Variants in LIMK1 observed in about 807,000 individuals in gnomAD.
LIMK1 encodes LIM domain kinase 1.
LIMK1 carries 21 observed loss-of-function variants against 77.6 expected under a neutral mutation model. The observed-to-expected ratio is 0.27, with a 90% CI of 0.19 to 0.39. The LOEUF (loss-of-function observed/expected upper bound fraction) is 0.39. LIMK1 is among the 10% of genes least tolerant of loss of function. The probability of loss-of-function intolerance (pLI) is 1.00; values close to 1 mark genes in which losing one functional copy is unlikely to be tolerated. For missense variants in LIMK1, 696 were observed against 901.6 expected, an observed-to-expected ratio of 0.77 and a Z score of 2.92; for synonymous variants, 358 against 370.0, an observed-to-expected ratio of 0.97 and a Z score of 0.37.
At chr7:74,096,997 C>T (rs1353179342) in intron 3 of LIMK1, 83 bp from the exon 4 acceptor site, 1 of 1,189,204 alleles carries the variant, frequency 8.4e-7, no homozygotes, top group African/African-American at 1.5e-5. Flanking sequence ...TTTGGTGACA[C>T]CCTTGGAAGA....
chr7:74,099,290 G>A (rs1243695853), intron 5 of LIMK1, 52 bp downstream of exon 5: 9 of 1,549,944 alleles, frequency 5.8e-6, no homozygotes, highest in East Asian at 2.3e-5. Flanking sequence ...GGCTGTTGAT[G>A]TGGGTGGCAG....
Position 74,107,188 on chromosome 7 carries a change from A to C in LIMK1, c.1060A>C (p.Ile354Leu), listed in dbSNP as rs138393572. Residue 354 changes from isoleucine (I) to leucine (L), a missense_variant, in exon 8 of 16, where the codon ATC becomes CTC. Coordinates refer to ENST00000336180, the MANE Select transcript of LIMK1 (RefSeq NM_002314.4). ...GGGCAAGGGCTGCTTCGGCCAGGCT[A>C]TCAAGGTACAGAGCATGCCAGGGTC... ...VLGKGCFGQA[I>L]KVTHRETGEV... is the part of the protein sequence containing the mutation. 1.3e-4 allele frequency: 209 copies of C among 1,608,756 alleles called. No homozygotes were observed. The highest frequency in any genetic ancestry group is 1.6e-4 in the Non-Finnish European group (191 of 1,178,352).
intron 4 of LIMK1, among the ~76,000 whole-genome samples, 156 bp downstream of exon 4, chr7:74,097,345 A>T (rs929805890): frequency 6.6e-6 from 1 of 152,218 alleles, no homozygotes; most frequent in African/African-American, 2.4e-5. Flanking sequence ...CCCGGCATGG[A>T]AACAAGTGAG....
intron 2 of LIMK1, among the ~76,000 whole-genome samples, chr7:74,092,611 T>G (rs940184820): frequency 5.3e-5 from 8 of 152,092 alleles, no homozygotes; most frequent in Non-Finnish European, 1.5e-5. Flanking sequence ...GCTCACATAC[T>G]GCCTCTGCGA....
intron 2 of LIMK1, among the ~76,000 whole-genome samples, chr7:74,090,453 G>T (rs1447252468): frequency 6.6e-6 from 1 of 152,042 alleles, no homozygotes; most frequent in Non-Finnish European, 1.5e-5. Flanking sequence ...TTGTGGGTGT[G>T]ATACTCCCAA....
intron 9 of LIMK1, among the ~76,000 whole-genome samples, chr7:74,108,210 C>T (rs1340144382): frequency 6.6e-6 from 1 of 151,918 alleles, no homozygotes; most frequent in African/African-American, 2.4e-5. Flanking sequence ...TGGCAATGTG[C>T]ACCTGTCATC....
intron 2 of LIMK1, among the ~76,000 whole-genome samples, chr7:74,086,651 C>CGAA (rs1799143111): frequency 6.6e-6 from 1 of 152,130 alleles, no homozygotes; most frequent in Non-Finnish European, 1.5e-5. Context: ...CGTGAGCTAA[C>CGAA]GCCTTGGCCT....
At position 74,107,239 on chromosome 7, in the gene LIMK1, CT is replaced by C. The variant is rs782133882; in HGVS notation, c.1065+47del. On this transcript the variant is annotated intron_variant, in intron 8 of 15. Coordinates refer to ENST00000336180, the MANE Select transcript of LIMK1 (RefSeq NM_002314.4). ...TCAGGGGACAGTCTGGGTGGGACCC[CT>C]CCATCCTCCTTCCTTCCCAGTCTAT... is the stretch of plus-strand genomic sequence containing the variant. The C allele has an allele frequency of 3.5e-5, 53 of 1,523,936 alleles. No individual in the cohort carries two copies. In the African/African-American group the frequency reaches 7.0e-4, roughly 20 times the overall value. 94.4% of individuals were successfully genotyped at this position (1,523,936 alleles called of 1,614,324 possible).
chr7:74,085,898 G>A (rs545105091), intron 2 of LIMK1, 54 bp downstream of exon 2: 2 of 1,375,312 alleles, frequency 1.5e-6, no homozygotes, highest in Admixed American at 2.0e-5. Flanking sequence ...TGCCAGAGAG[G>A]ACAGGCTGGT....
rs1799938998 is a variant in LIMK1, at chr7:74,121,484, G to C, written c.*183G>C. ...CCTGCCTTCTCTCTGCCGTGGCCCA[G>C]AGCCGGCCCAGCTGCACACACACAC... is the stretch of plus-strand genomic sequence containing the variant. On this transcript the variant is annotated 3_prime_UTR_variant, in exon 16 of 16. Coordinates refer to ENST00000336180, the MANE Select transcript of LIMK1 (RefSeq NM_002314.4). The C allele has an allele frequency of 3.5e-6, 2 of 573,474 alleles. No individual in the cohort carries two copies. Among genetic ancestry groups the C allele is most frequent in the Non-Finnish European group, 5.9e-6 (2 of 336,506 alleles). The allele number at this position is 573,474 out of a possible 1,614,324, so 35.5% of individuals were successfully genotyped here.
chr7:74,091,360 CA>C (rs1231378903), intron 2 of LIMK1, among the ~76,000 whole-genome samples: 4 of 151,622 alleles, frequency 2.6e-5, no homozygotes, highest in East Asian at 2.0e-4. Context: ...TCCATCTCTA[CA>C]AAAAAATTAG....
At chr7:74,090,557 C>G (rs891859060) in intron 2 of LIMK1, among the ~76,000 whole-genome samples, 1 of 152,196 alleles carries the variant, frequency 6.6e-6, no homozygotes, top group African/African-American at 2.4e-5. Flanking sequence ...TGACCACAGC[C>G]AGGCTGGCTC....
At chr7:74,109,081 G>A in intron 10 of LIMK1, 45 bp downstream of exon 10, 2 of 1,465,268 alleles carry the variant, frequency 1.4e-6, no homozygotes, top group South Asian at 1.2e-5. Context: ...GCGGCCCCGG[G>A]CAAAGCAGCT....
chr7:74,119,023 G>A (rs529576540), intron 13 of LIMK1, among the ~76,000 whole-genome samples: 3 of 151,874 alleles, frequency 2.0e-5, no homozygotes, highest in Non-Finnish European at 2.9e-5. Context: ...AGCCTCCCAC[G>A]TAGCTGGGAC....
At chr7:74,116,396 G>A (rs1479464931) in intron 13 of LIMK1, among the ~76,000 whole-genome samples, 1 of 152,060 alleles carries the variant, frequency 6.6e-6, no homozygotes, top group African/African-American at 2.4e-5. Flanking sequence ...CCTGGGTGAC[G>A]AGCGAAACTC....
At chr7:74,101,050 G>C (rs545149524) in intron 5 of LIMK1, among the ~76,000 whole-genome samples, 1 of 152,160 alleles carries the variant, frequency 6.6e-6, no homozygotes, top group Admixed American at 6.6e-5. Flanking sequence ...CCAAGTGCTA[G>C]CTTTCATTTG....
intron 1 of LIMK1, 80 bp downstream of exon 1, chr7:74,084,125 T>G (rs1799084248): frequency 1.3e-6 from 1 of 756,864 alleles, no homozygotes; most frequent in South Asian, 2.1e-5. Flanking sequence ...GGGCCGGGTC[T>G]GCCAGGAGGC....
In LIMK1 at chr7:74,092,998, A is replaced by G. The variant is rs1584108787; in HGVS notation, c.153-3624A>G. 4.4e-6 allele frequency: 3 copies of G among 677,484 alleles called. No individual in the cohort carries two copies. In the East Asian group the frequency reaches 9.7e-5, roughly 22 times the overall value. 42.0% of individuals were successfully genotyped at this position (677,484 alleles called of 1,614,324 possible). On this transcript the variant is annotated intron_variant, in intron 2 of 15. Coordinates refer to ENST00000336180, the MANE Select transcript of LIMK1 (RefSeq NM_002314.4). Reference sequence around the variant, plus strand: ...GCCACAGGCTCCCTGCCTGGGGTCCAAGCCTAGATCGCTCGCTCCCCACCC... The same window carrying G: ...GCCACAGGCTCCCTGCCTGGGGTCCGAGCCTAGATCGCTCGCTCCCCACCC...
intron 7 of LIMK1, 142 bp downstream of exon 7, chr7:74,106,385 T>A (rs903827365): frequency 1.1e-5 from 9 of 840,570 alleles, no homozygotes; most frequent in African/African-American, 1.7e-5. Flanking sequence ...CAGTAAGCTG[T>A]CATCACACCA....
Sources: allele counts gnomAD v4.1 joint callset (sites outside exome capture counted in the v4.1 genomes callset), GRCh38; gene constraint gnomAD v4.1.1; transcripts MANE v1.5; gene names NCBI Gene and HGNC (gene_info 2026-07-23, HGNC 2026-07-21).